Variants in RBMS3 observed in about 807,000 individuals in gnomAD.
The protein encoded by RBMS3 is RNA-binding motif, single-stranded-interacting protein 3.
In RBMS3, 27 loss-of-function variants were observed where a neutral mutation model predicts 66.8. The observed-to-expected ratio is 0.40, with a 90% CI of 0.30 to 0.56. RBMS3 has a LOEUF of 0.56. RBMS3 is among the 20% of genes least tolerant of loss of function. The pLI, the probability that RBMS3 is intolerant of heterozygous loss-of-function variation, is 0.40. For missense variants in RBMS3, 513 were observed against 549.5 expected, an observed-to-expected ratio of 0.93 and a Z score of 0.66; for synonymous variants, 188 against 183.0, an observed-to-expected ratio of 1.03 and a Z score of -0.22.
intron 1 of RBMS3, among the ~76,000 whole-genome samples, chr3:29,324,072 T>G (rs1428193539): frequency 6.6e-6 from 1 of 152,182 alleles, no homozygotes; most frequent in Non-Finnish European, 1.5e-5. Flanking sequence ...TTGTTTTTAT[T>G]TTTAACTCTG....
At chr3:29,296,937 C>T (rs2033313985) in intron 1 of RBMS3, among the ~76,000 whole-genome samples, 1 of 151,092 alleles carries the variant, frequency 6.6e-6, no homozygotes, top group Admixed American at 6.6e-5. Context: ...CTGGAAGACT[C>T]ACCATTTTTT....
chr3:29,820,931 C>A (rs1576907979), intron 6 of RBMS3, among the ~76,000 whole-genome samples: 2 of 152,138 alleles, frequency 1.3e-5, no homozygotes. Context: ...ATAAACAAAC[C>A]AACCTTGCTC....
At position 29,935,589 on chromosome 3, in the gene RBMS3, C is replaced by A. The variant is rs148798217; in HGVS notation, c.940-497C>A. On this transcript the variant is annotated intron_variant, in intron 10 of 14. Coordinates refer to ENST00000383767, the MANE Select transcript of RBMS3 (RefSeq NM_001003793.3). ...ATTTTAATATGTCCTTCAAAGAGAT[C>A]CAGTTCAGAAACCCATGTGGGCCAG... is the stretch of plus-strand genomic sequence containing the variant. Among the ~76,000 whole-genome samples, 822 of 152,196 alleles carry A rather than the reference C, an allele frequency of 5.4e-3. 19 individuals carry two copies. Among genetic ancestry groups the A allele is most frequent in the East Asian group, 0.043 (219 of 5,152 alleles).
At chr3:29,800,748 A>G (rs1192296526) in intron 6 of RBMS3, among the ~76,000 whole-genome samples, 1 of 151,922 alleles carries the variant, frequency 6.6e-6, no homozygotes, top group Non-Finnish European at 1.5e-5. Flanking sequence ...AAAGCAAAAC[A>G]AAACCTTTTC....
intron 8 of RBMS3, among the ~76,000 whole-genome samples, chr3:29,896,763 G>A (rs1252329466): frequency 6.6e-6 from 1 of 151,540 alleles, no homozygotes; most frequent in African/African-American, 2.4e-5. Context: ...AGGCTCTGGA[G>A]GACTAGAAAA....
chr3:29,670,282 TC>T (rs2050939921), intron 4 of RBMS3, among the ~76,000 whole-genome samples: 1 of 152,122 alleles, frequency 6.6e-6, no homozygotes, highest in South Asian at 2.1e-4. Context: ...CTAGTAGGCT[TC>T]CAGTTCCAAG....
At chr3:29,355,982 T>C (rs1465540804) in intron 1 of RBMS3, among the ~76,000 whole-genome samples, 14 of 152,138 alleles carry the variant, frequency 9.2e-5, no homozygotes, top group Non-Finnish European at 1.5e-5. Flanking sequence ...AGGATATCTA[T>C]CGCAATAACT....
chr3:29,930,210 C>A (rs1174862934), intron 10 of RBMS3, among the ~76,000 whole-genome samples: 1 of 148,450 alleles, frequency 6.7e-6, no homozygotes, highest in African/African-American at 2.5e-5. Flanking sequence ...CTCCCGGGTT[C>A]ACGCCATTCT....
At chr3:29,833,181 T>C (rs2058418827) in intron 6 of RBMS3, among the ~76,000 whole-genome samples, 1 of 152,150 alleles carries the variant, frequency 6.6e-6, no homozygotes. Context: ...CTGGGTTGAT[T>C]GGTGAAGGAT....
At chr3:29,327,142 G>A (rs1391700144) in intron 1 of RBMS3, among the ~76,000 whole-genome samples, 1 of 152,096 alleles carries the variant, frequency 6.6e-6, no homozygotes, top group African/African-American at 2.4e-5. Context: ...TTTACATTAA[G>A]GACATGAAAA....
chr3:29,861,398 G>A (rs2059213187), intron 6 of RBMS3, among the ~76,000 whole-genome samples: 1 of 152,022 alleles, frequency 6.6e-6, no homozygotes, highest in Non-Finnish European at 1.5e-5. Context: ...TAAAGTACCA[G>A]ACCAGTAATG....
intron 12 of RBMS3, among the ~76,000 whole-genome samples, chr3:29,986,967 C>CAAT (rs1698432425): frequency 1.3e-5 from 2 of 151,760 alleles, no homozygotes; most frequent in African/African-American, 4.9e-5. Context: ...ACAACAACAA[C>CAAT]AAAGAAAAAG....
intron 3 of RBMS3, among the ~76,000 whole-genome samples, chr3:29,497,972 C>CT (rs1559412873): frequency 2.4e-4 from 10 of 42,262 alleles, no homozygotes; most frequent in African/African-American, 9.5e-5. Context: ...TAAAAGTATT[C>CT]ATTTTTTTTT....
intron 1 of RBMS3, among the ~76,000 whole-genome samples, chr3:29,376,051 G>A (rs2038445853): frequency 6.6e-6 from 1 of 152,134 alleles, no homozygotes; most frequent in African/African-American, 2.4e-5. Flanking sequence ...GGACATGAAT[G>A]GAACTGGAGG....
At chr3:29,744,964 G>A (rs568316478) in intron 5 of RBMS3, among the ~76,000 whole-genome samples, 2 of 152,102 alleles carry the variant, frequency 1.3e-5, no homozygotes, top group African/African-American at 4.8e-5. Flanking sequence ...CATCATATGT[G>A]GTCCTTAATT....
intron 6 of RBMS3, among the ~76,000 whole-genome samples, chr3:29,784,804 G>T (rs2056764195): frequency 6.6e-6 from 1 of 151,922 alleles, no homozygotes; most frequent in African/African-American, 2.4e-5. Context: ...ACCAAGAAAA[G>T]AAGAGAGCAA....
intron 3 of RBMS3, among the ~76,000 whole-genome samples, chr3:29,494,157 A>G (rs771504028): frequency 6.6e-6 from 1 of 152,214 alleles, no homozygotes; most frequent in Non-Finnish European, 1.5e-5. Flanking sequence ...AAGTCCATGA[A>G]CTTGTCTCCT....
At chr3:29,752,052 G>A (rs1405388845) in intron 5 of RBMS3, among the ~76,000 whole-genome samples, 1 of 152,188 alleles carries the variant, frequency 6.6e-6, no homozygotes, top group African/African-American at 2.4e-5. Context: ...CTCAGTTCTT[G>A]TCTGGCATCC....
At chr3:29,870,875 G>T (rs181956232) in intron 7 of RBMS3, among the ~76,000 whole-genome samples, 2,632 of 152,078 alleles carry the variant, frequency 0.017, 34 homozygotes, top group Non-Finnish European at 0.03. Context: ...GATAGATTAG[G>T]CAGAGAGATA....
Sources: gnomAD v4.1 joint callset for allele counts (sites outside exome capture counted in the v4.1 genomes callset) on GRCh38, gnomAD v4.1.1 for gene constraint, MANE v1.5 for transcripts, NCBI Gene and HGNC (gene_info 2026-07-23, HGNC 2026-07-21) for gene names.